Variants in RHPN2 observed in about 807,000 individuals in gnomAD.
RHPN2 encodes rhophilin Rho GTPase binding protein 2, also known as rhophilin-2.
Under a neutral mutation model 79.0 loss-of-function variants are expected in RHPN2, and 40 were observed. The observed-to-expected ratio is 0.51, with a 90% CI of 0.39 to 0.66. The LOEUF (loss-of-function observed/expected upper bound fraction) is 0.66, where lower values mean the gene tolerates loss of function less well. RHPN2 is among the 30% of genes least tolerant of loss of function. RHPN2 has a pLI of 0.00. For synonymous variants in RHPN2, 285 were observed against 363.5 expected (o/e 0.78, Z 2.46); for missense variants, 686 against 883.5 (o/e 0.78, Z 2.83).
chr19:33,021,725 C>G, intron 3 of RHPN2, 79 bp from the exon 4 acceptor site: 1 of 1,073,018 alleles, frequency 9.3e-7, no homozygotes, highest in Non-Finnish European at 1.4e-6. Flanking sequence ...CCTCAGCAGC[C>G]CAAGCTCAGG....
At chr19:33,045,454 A>G (rs560780355) in intron 1 of RHPN2, among the ~76,000 whole-genome samples, 1 of 151,698 alleles carries the variant, frequency 6.6e-6, no homozygotes, top group South Asian at 2.1e-4. Flanking sequence ...TATATTCAGG[A>G]GTTACAGAAC....
At chr19:33,034,115 C>T (rs1380582100) in intron 2 of RHPN2, among the ~76,000 whole-genome samples, 2 of 151,534 alleles carry the variant, frequency 1.3e-5, no homozygotes, top group African/African-American at 4.8e-5. Context: ...GCCTCATCCT[C>T]CCAAAGTGCT....
At chr19:32,992,088 G>C in intron 12 of RHPN2, 119 bp from the exon 13 acceptor site, 1 of 1,110,042 alleles carries the variant, frequency 9.0e-7, no homozygotes, top group East Asian at 2.5e-5. Context: ...AGGGACAAAT[G>C]ACACATCTGG....
At chr19:33,034,474 T>C (rs1044521560) in intron 2 of RHPN2, among the ~76,000 whole-genome samples, 15 of 151,420 alleles carry the variant, frequency 9.9e-5, no homozygotes, top group African/African-American at 1.7e-4. Flanking sequence ...TGTGTGGTGG[T>C]GGGCGCCTAT....
At chr19:33,027,447 A>T (rs1245597734) in intron 2 of RHPN2, among the ~76,000 whole-genome samples, 1 of 151,978 alleles carries the variant, frequency 6.6e-6, no homozygotes, top group African/African-American at 2.4e-5. Context: ...GTGAGCTATG[A>T]TCACACCACC....
intron 3 of RHPN2, among the ~76,000 whole-genome samples, chr19:33,025,323 A>G (rs1331712208): frequency 1.3e-5 from 2 of 151,210 alleles, no homozygotes; most frequent in African/African-American, 4.9e-5. Context: ...AAAAAAAAAA[A>G]AAAAAACAAT....
At chr19:33,002,542 G>A in intron 8 of RHPN2, 139 bp from the exon 9 acceptor site, 1 of 1,035,308 alleles carries the variant, frequency 9.7e-7, no homozygotes, top group South Asian at 1.3e-5. Context: ...GCAACTCCAA[G>A]AGACCCCTCG....
rs575934123 is a variant in RHPN2 at position 32,990,104 on chromosome 19, C to CA, written c.1800+409dup. Among the ~76,000 whole-genome samples, 592 of 99,590 alleles carry CA rather than the reference C, an allele frequency of 5.9e-3. 2 individuals carry two copies. Among genetic ancestry groups the CA allele is most frequent in the Non-Finnish European group, 8.6e-3 (424 of 49,544 alleles). 65.3% of individuals were successfully genotyped at this position (99,590 alleles called of 152,430 possible). On this transcript the variant is annotated intron_variant, in intron 14 of 14. Transcript: ENST00000254260. ...TGGGTGACAGAGCGAGACTCCGTCT[C>CA]AAAAAAAAAATAAAATTAAAAAAGA... is the stretch of plus-strand genomic sequence containing the variant.
intron 1 of RHPN2, among the ~76,000 whole-genome samples, chr19:33,063,071 C>A (rs1319353320): frequency 1.3e-5 from 2 of 152,048 alleles, no homozygotes; most frequent in East Asian, 1.9e-4. Context: ...CAGCAACTTG[C>A]GGGAGGCCAC....
chr19:33,060,968 C>T (rs1972274606), intron 1 of RHPN2, among the ~76,000 whole-genome samples: 1 of 152,184 alleles, frequency 6.6e-6, no homozygotes, highest in South Asian at 2.1e-4. Flanking sequence ...CCATTCGCCA[C>T]CCATTCACCA....
At chr19:33,018,451 G>C (rs1205444297) in intron 4 of RHPN2, among the ~76,000 whole-genome samples, 1 of 152,198 alleles carries the variant, frequency 6.6e-6, no homozygotes, top group East Asian at 1.9e-4. Context: ...TTATAGGCAT[G>C]AGCCATTGCA....
At chr19:33,061,128 G>C (rs1024625365) in intron 1 of RHPN2, among the ~76,000 whole-genome samples, 6 of 152,008 alleles carry the variant, frequency 3.9e-5, no homozygotes, top group Non-Finnish European at 7.4e-5. Flanking sequence ...ACCCTGGGGG[G>C]GCCTACAAAG....
At chr19:32,982,979 C>T (rs1971585893) in intron 14 of RHPN2, among the ~76,000 whole-genome samples, 1 of 151,552 alleles carries the variant, frequency 6.6e-6, no homozygotes, top group African/African-American at 2.4e-5. Flanking sequence ...TGGCATCCGT[C>T]CCCCAAGACC....
chr19:32,985,695 G>A (rs893467521), intron 14 of RHPN2, among the ~76,000 whole-genome samples: 27 of 152,096 alleles, frequency 1.8e-4, no homozygotes, highest in African/African-American at 6.5e-4. Flanking sequence ...ACAGTGGCTC[G>A]ATCTCGGCTC....
At chr19:33,045,613 A>G (rs1297046768) in intron 1 of RHPN2, among the ~76,000 whole-genome samples, 1 of 151,872 alleles carries the variant, frequency 6.6e-6, no homozygotes, top group Admixed American at 6.6e-5. Flanking sequence ...AGCTGGAATT[A>G]CAGGTGCCCA....
At chr19:33,025,850 T>C (rs1326885641) in intron 3 of RHPN2, among the ~76,000 whole-genome samples, 9 of 152,238 alleles carry the variant, frequency 5.9e-5, no homozygotes, top group African/African-American at 2.2e-4. Context: ...ATCTTGCTAA[T>C]GTTTGCGTGT....
intron 2 of RHPN2, among the ~76,000 whole-genome samples, chr19:33,028,314 G>A (rs1047027722): frequency 3.9e-5 from 6 of 151,990 alleles, no homozygotes; most frequent in East Asian, 1.9e-4. Flanking sequence ...ACACCACCAC[G>A]CTGGCTAATT....
At position 32,991,923 on chromosome 19, in the gene RHPN2, C is replaced by T. The variant is rs1347761451; in HGVS notation, c.1544G>A (p.Arg515Gln). The T allele has an allele frequency of 6.2e-6, 10 of 1,613,790 alleles. No individual in the cohort carries two copies. In the South Asian group the frequency reaches 7.7e-5, roughly 12 times the overall value. The stretch of plus-strand genomic sequence containing the variant: ...TTCTTCTGCAGTGAAGCGGATGCTT[C>T]GAGGAGGCGTCCACCGCTTGTTAGC... ...FSANKRWTPP[R>Q]SIRFTAEEGD... The change falls in exon 13 of 15, where the codon CGA becomes CAA. Residue 515 changes from arginine (R) to glutamine (Q), a missense_variant. Transcript: ENST00000254260.
chr19:33,013,577 G>T (rs1213218806), intron 4 of RHPN2, among the ~76,000 whole-genome samples: 1 of 152,108 alleles, frequency 6.6e-6, no homozygotes, highest in African/African-American at 2.4e-5. Flanking sequence ...TTGTGTCTGC[G>T]CATCGTGGCT....
Sources: gnomAD v4.1 joint callset for allele counts (sites outside exome capture counted in the v4.1 genomes callset) on GRCh38, gnomAD v4.1.1 for gene constraint, MANE v1.5 for transcripts, NCBI Gene and HGNC (gene_info 2026-07-23, HGNC 2026-07-21) for gene names.